The following MRAS variants were observed in gnomAD, a reference collection of about 807,000 sequenced individuals.
The protein encoded by MRAS is ras-related protein M-Ras.
Under a neutral mutation model 20.9 loss-of-function variants are expected in MRAS, and 4 were observed. The observed-to-expected ratio is 0.19, with a 90% CI of 0.09 to 0.44. MRAS has a LOEUF of 0.44. MRAS is among the 20% of genes least tolerant of loss of function. MRAS has a pLI of 0.99. For missense variants in MRAS, 154 were observed against 277.5 expected (o/e 0.56, Z 3.16); for synonymous variants, 98 against 102.9 (o/e 0.95, Z 0.29).
At position 138,397,306 on chromosome 3, in the gene MRAS, G is replaced by A. The variant is rs764250454; in HGVS notation, c.194-18G>A. 1 of 1,613,164 alleles carries A rather than the reference G, an allele frequency of 6.2e-7. No homozygotes were observed. Among genetic ancestry groups the A allele is most frequent in the Non-Finnish European group, 8.5e-7 (1 of 1,179,538 alleles). On this transcript the variant is annotated intron_variant, in intron 2 of 5. Transcript: ENST00000423968. Reference sequence around the variant, plus strand: ...GGGTAGGTGAGGACAGCCCCTGAGTGGCCTCATCCCACCCCAGTTCTGGAC... The same window carrying A: ...GGGTAGGTGAGGACAGCCCCTGAGTAGCCTCATCCCACCCCAGTTCTGGAC...
chr3:138,350,309 T>C (rs1339037309), intron 1 of MRAS: 2 of 152,238 alleles, frequency 1.3e-5, no homozygotes, highest in Admixed American at 1.3e-4. Context: ...TTTCGGGCAA[T>C]GGTTTTCACC....
chr3:138,400,223 T>C, intron 4 of MRAS: 1 of 257,274 alleles, frequency 3.9e-6, no homozygotes, highest in Non-Finnish European at 7.3e-6. Flanking sequence ...AGAATCAGAA[T>C]GTATTTTTGA....
intron 5 of MRAS, among the ~76,000 whole-genome samples, chr3:138,401,482 C>A (rs2055359038): frequency 6.6e-6 from 1 of 152,220 alleles, no homozygotes; most frequent in South Asian, 2.1e-4. Flanking sequence ...GTTTTGCACT[C>A]TCAAAATGAT....
Position 138,367,018 on chromosome 3 carries a change from TGAG to T in MRAS, c.-18-5844_-18-5842del, listed in dbSNP as rs145308138. 3.8e-3 allele frequency among the ~76,000 whole-genome samples: 575 copies of T among 152,294 alleles called. 4 individuals are homozygous for T. The highest frequency in any genetic ancestry group is 0.013 in the African/African-American group (559 of 41,544). On this transcript the variant is annotated intron_variant, in intron 1 of 5. Transcript: ENST00000423968. ...GTAGAAGCCCTAGAACCTGGAAGCC[TGAG>T]GAGAAGTGGCAAATTTCGTGAGGGG...
chr3:138,391,704 A>G (rs1280163034), intron 2 of MRAS, among the ~76,000 whole-genome samples: 1 of 152,250 alleles, frequency 6.6e-6, no homozygotes, highest in African/African-American at 2.4e-5. Context: ...TCTTTTAAAA[A>G]TAAAAATTCC....
intron 2 of MRAS, among the ~76,000 whole-genome samples, chr3:138,388,859 G>A (rs1372126851): frequency 6.6e-6 from 1 of 151,576 alleles, no homozygotes; most frequent in African/African-American, 2.4e-5. Context: ...TTGTTTTTTT[G>A]AGACAGAGTT....
intron 1 of MRAS, among the ~76,000 whole-genome samples, chr3:138,350,655 T>C (rs1196521239): frequency 6.6e-6 from 1 of 152,206 alleles, no homozygotes; most frequent in Admixed American, 6.5e-5. Context: ...TTCACCTACA[T>C]AAGACACTTT....
chr3:138,369,386 C>T (rs1041319283), intron 1 of MRAS, among the ~76,000 whole-genome samples: 75 of 152,144 alleles, frequency 4.9e-4, no homozygotes, highest in African/African-American at 1.8e-3. Flanking sequence ...GGTTTGTGCT[C>T]TCCTGGGGGT....
At chr3:138,363,834 C>A (rs1003543032) in intron 1 of MRAS, among the ~76,000 whole-genome samples, 4 of 124,948 alleles carry the variant, frequency 3.2e-5, no homozygotes, top group Non-Finnish European at 5.4e-5. Context: ...CCCCCCCCCC[C>A]AAACCACAGG....
At chr3:138,380,681 A>G (rs986232943) in intron 2 of MRAS, among the ~76,000 whole-genome samples, 5 of 151,948 alleles carry the variant, frequency 3.3e-5, no homozygotes, top group African/African-American at 7.3e-5. Context: ...GTGGAATAAT[A>G]TTTGTCCTTT....
chr3:138,387,297 G>C (rs993607041), intron 2 of MRAS, among the ~76,000 whole-genome samples: 1 of 152,232 alleles, frequency 6.6e-6, no homozygotes, highest in Admixed American at 6.5e-5. Flanking sequence ...AGTAGGTGGA[G>C]AGTTTGGTGT....
At chr3:138,364,234 T>A (rs2054515622) in intron 1 of MRAS, among the ~76,000 whole-genome samples, 1 of 151,972 alleles carries the variant, frequency 6.6e-6, no homozygotes, top group Non-Finnish European at 1.5e-5. Context: ...CTGTCACCTG[T>A]GGAACCTGCC....
intron 1 of MRAS, among the ~76,000 whole-genome samples, chr3:138,372,015 C>T (rs1276736304): frequency 6.6e-6 from 1 of 152,174 alleles, no homozygotes; most frequent in African/African-American, 2.4e-5. Flanking sequence ...GTCACCTTAG[C>T]TCAGGGTTTC....
At chr3:138,392,483 AT>A (rs1480429485) in intron 2 of MRAS, among the ~76,000 whole-genome samples, 4 of 152,224 alleles carry the variant, frequency 2.6e-5, no homozygotes, top group African/African-American at 9.7e-5. Context: ...GAATTTGTCA[AT>A]TCCTGTTGTT....
intron 2 of MRAS, among the ~76,000 whole-genome samples, chr3:138,373,781 T>C (rs2054722945): frequency 6.6e-6 from 1 of 152,226 alleles, no homozygotes. Flanking sequence ...TTCTAGATTT[T>C]GATTGGGATT....
chr3:138,383,523 T>C (rs756410064), intron 2 of MRAS, among the ~76,000 whole-genome samples: 1 of 152,004 alleles, frequency 6.6e-6, no homozygotes, highest in Admixed American at 6.6e-5. Context: ...GGCTTGATGG[T>C]TTCAAGAATA....
intron 1 of MRAS, among the ~76,000 whole-genome samples, chr3:138,365,371 T>C (rs2108509609): frequency 6.6e-6 from 1 of 152,322 alleles, no homozygotes; most frequent in African/African-American, 2.4e-5. Context: ...CGAATACTGA[T>C]GGGAAAGACC....
chr3:138,354,419 G>A (rs2054289390), intron 1 of MRAS, among the ~76,000 whole-genome samples: 1 of 152,172 alleles, frequency 6.6e-6, no homozygotes, highest in Non-Finnish European at 1.5e-5. Flanking sequence ...GCCTGCAATG[G>A]GCTTTTGGGA....
chr3:138,370,600 C>A (rs2054654750), intron 1 of MRAS, among the ~76,000 whole-genome samples: 1 of 152,128 alleles, frequency 6.6e-6, no homozygotes, highest in Non-Finnish European at 1.5e-5. Flanking sequence ...TAGGGAGATG[C>A]TGGAACCAGA....
Sources: gnomAD v4.1 joint callset for allele counts (sites outside exome capture counted in the v4.1 genomes callset) on GRCh38, gnomAD v4.1.1 for gene constraint, MANE v1.5 for transcripts, NCBI Gene and HGNC (gene_info 2026-07-23, HGNC 2026-07-21) for gene names.